CSNK1G1: variants seen among roughly 807,000 people sequenced by gnomAD.
The protein encoded by CSNK1G1 is casein kinase I isoform gamma-1.
In CSNK1G1, 22 loss-of-function variants were observed where a neutral mutation model predicts 59.6. The observed-to-expected ratio is 0.37, with a 90% confidence interval of 0.26 to 0.53. The LOEUF (loss-of-function observed/expected upper bound fraction) is 0.53. Ranked by LOEUF, CSNK1G1 falls within the 20% of genes least tolerant of loss-of-function variation. The pLI, the probability that CSNK1G1 is intolerant of heterozygous loss-of-function variation, is 0.89. For missense variants in CSNK1G1, 384 were observed against 519.5 expected (o/e 0.74, Z 2.54); for synonymous variants, 179 against 177.1 (o/e 1.01, Z -0.08).
chr15:64,297,222 G>A (rs1566937668), intron 2 of CSNK1G1, among the ~76,000 whole-genome samples: 2 of 152,044 alleles, frequency 1.3e-5, no homozygotes, highest in Non-Finnish European at 2.9e-5. Flanking sequence ...AAAGCAGTTT[G>A]ACGAGACAGG....
chr15:64,324,145 C>T (rs925351917), intron 1 of CSNK1G1, among the ~76,000 whole-genome samples: 20 of 152,200 alleles, frequency 1.3e-4, no homozygotes, highest in African/African-American at 4.6e-4. Flanking sequence ...CCCTGACTTA[C>T]ACTACTATGT....
At chr15:64,289,693 T>C (rs894524332) in intron 2 of CSNK1G1, among the ~76,000 whole-genome samples, 2 of 152,168 alleles carry the variant, frequency 1.3e-5, no homozygotes, top group African/African-American at 4.8e-5. Context: ...AGGAAACTAA[T>C]ATCCAATTAC....
At chr15:64,305,722 A>C (rs1202711300) in intron 1 of CSNK1G1, among the ~76,000 whole-genome samples, 1 of 140,536 alleles carries the variant, frequency 7.1e-6, no homozygotes, top group Non-Finnish European at 1.6e-5. Context: ...AAACAAAAAC[A>C]AAAAAAAAAC....
chr15:64,267,731 A>G (rs1205442887), intron 2 of CSNK1G1, among the ~76,000 whole-genome samples: 3 of 152,212 alleles, frequency 2.0e-5, no homozygotes, highest in Non-Finnish European at 4.4e-5. Context: ...CCATTATGGA[A>G]AACAATATGA....
At chr15:64,173,039 T>G (rs1218472893) in intron 11 of CSNK1G1, among the ~76,000 whole-genome samples, 1 of 152,208 alleles carries the variant, frequency 6.6e-6, no homozygotes, top group Non-Finnish European at 1.5e-5. Flanking sequence ...TGCCGGATGA[T>G]GGAGGGCAGT....
At chr15:64,325,931 T>C (rs1356897371) in intron 1 of CSNK1G1, among the ~76,000 whole-genome samples, 1 of 152,202 alleles carries the variant, frequency 6.6e-6, no homozygotes, top group Non-Finnish European at 1.5e-5. Flanking sequence ...CATCATGTCA[T>C]ATCTTATATT....
intron 2 of CSNK1G1, among the ~76,000 whole-genome samples, chr15:64,283,670 A>G (rs1894262825): frequency 6.6e-6 from 1 of 151,704 alleles, no homozygotes; most frequent in African/African-American, 2.4e-5. Context: ...TTTAGTAGAG[A>G]CGGGGTTTCA....
intron 2 of CSNK1G1, 21 bp from the exon 3 acceptor site, chr15:64,259,262 A>G (rs1030255825): frequency 5.1e-6 from 8 of 1,568,892 alleles, no homozygotes; most frequent in Non-Finnish European, 3.5e-6. Flanking sequence ...AGCAGAATGT[A>G]TATGTTTTAG....
At chr15:64,343,807 C>G (rs1269789805) in intron 1 of CSNK1G1, among the ~76,000 whole-genome samples, 1 of 150,346 alleles carries the variant, frequency 6.7e-6, no homozygotes, top group African/African-American at 2.4e-5. Context: ...TCTATATTAC[C>G]ACAGCTCTAG....
intron 10 of CSNK1G1, among the ~76,000 whole-genome samples, chr15:64,195,772 T>A (rs2082030625): frequency 6.6e-6 from 1 of 152,188 alleles, no homozygotes; most frequent in African/African-American, 2.4e-5. Flanking sequence ...ATGGCAAGAT[T>A]TACAACTTTT....
At chr15:64,295,687 A>AT (rs1894981354) in intron 2 of CSNK1G1, among the ~76,000 whole-genome samples, 1 of 152,242 alleles carries the variant, frequency 6.6e-6, no homozygotes, top group African/African-American at 2.4e-5. Context: ...GATAAGTATT[A>AT]CAATTAGAGC....
chr15:64,204,723 A>T (rs2082154696), intron 8 of CSNK1G1, 134 bp from the exon 9 acceptor site: 1 of 1,214,228 alleles, frequency 8.2e-7, no homozygotes, highest in East Asian at 2.3e-5. Flanking sequence ...TGACAAAATA[A>T]AAGTGATAAA....
At chr15:64,229,902 A>T (rs1381316593) in intron 4 of CSNK1G1, among the ~76,000 whole-genome samples, 1 of 43,808 alleles carries the variant, frequency 2.3e-5, no homozygotes, top group South Asian at 1.2e-3. Flanking sequence ...ATGTTTGTAA[A>T]TTTTTTTTTT....
intron 2 of CSNK1G1, among the ~76,000 whole-genome samples, chr15:64,267,212 G>A (rs1893032391): frequency 6.8e-6 from 1 of 147,344 alleles, no homozygotes; most frequent in Admixed American, 6.8e-5. Flanking sequence ...AGCCAAGACT[G>A]TGCCACTGCA....
chr15:64,209,654 G>GA (rs970951349), intron 6 of CSNK1G1, among the ~76,000 whole-genome samples: 6 of 149,678 alleles, frequency 4.0e-5, no homozygotes, highest in Middle Eastern at 3.4e-3. Context: ...ATTCATAATT[G>GA]AAAAAAAAAG....
intron 2 of CSNK1G1, 142 bp from the exon 3 acceptor site, chr15:64,259,383 C>A: frequency 2.6e-5 from 15 of 568,408 alleles, no homozygotes; most frequent in Admixed American, 7.2e-5. Context: ...AAGCGAAAAG[C>A]TACAGAGATA....
At chr15:64,270,518 G>C (rs1357720610) in intron 2 of CSNK1G1, among the ~76,000 whole-genome samples, 1 of 152,104 alleles carries the variant, frequency 6.6e-6, no homozygotes, top group African/African-American at 2.4e-5. Flanking sequence ...TCAGCACTTT[G>C]GGAGGCCGAG....
intron 1 of CSNK1G1, among the ~76,000 whole-genome samples, chr15:64,329,263 C>T (rs952540810): frequency 1.3e-5 from 2 of 151,832 alleles, no homozygotes; most frequent in Admixed American, 6.6e-5. Context: ...AAATTGACCA[C>T]ATAGTTGGAA....
chr15:64,263,999 T>C (rs1841258862), intron 2 of CSNK1G1, among the ~76,000 whole-genome samples: 1 of 152,140 alleles, frequency 6.6e-6, no homozygotes, highest in South Asian at 2.1e-4. Flanking sequence ...TTTTTATCCC[T>C]AGAAACAAAC....
Sources: gnomAD v4.1 joint callset for allele counts (sites outside exome capture counted in the v4.1 genomes callset) on GRCh38, gnomAD v4.1.1 for gene constraint, MANE v1.5 for transcripts, NCBI Gene and HGNC (gene_info 2026-07-23, HGNC 2026-07-21) for gene names.